The following PTPRD variants were observed in gnomAD, a reference collection of about 807,000 sequenced individuals.
PTPRD encodes protein tyrosine phosphatase receptor type D, also known as receptor-type tyrosine-protein phosphatase delta.
A neutral mutation model predicts 214.5 loss-of-function variants in PTPRD; 34 were observed. The ratio of observed to expected loss-of-function variants is 0.16; its 90% CI spans 0.12 to 0.21. PTPRD has a LOEUF of 0.21. PTPRD is among the 10% of genes least tolerant of loss of function. The pLI is 1.00. For synonymous variants in PTPRD, 1,128 were observed against 845.7 expected (o/e 1.33, Z -5.79); for missense variants, 2,545 against 2,398.7 (o/e 1.06, Z -1.27).
intron 11 of PTPRD, among the ~76,000 whole-genome samples, chr9:8,886,868 G>A (rs1298146170): frequency 6.6e-6 from 1 of 152,148 alleles, no homozygotes; most frequent in Non-Finnish European, 1.5e-5. Flanking sequence ...TTCATTCCTG[G>A]AAGATATACA....
At position 8,317,665 on chromosome 9, in the gene PTPRD, T is replaced by C. The variant is rs1249492857; in HGVS notation, c.*209A>G. On this transcript the variant is annotated 3_prime_UTR_variant, in exon 46 of 46. Coordinates refer to ENST00000381196, the MANE Select transcript of PTPRD (RefSeq NM_002839.4). ...AGATGCCTCATCAGTCAGGATTCTC[T>C]TCATTATTTTTCAGGTTAGATTATT... is the stretch of plus-strand genomic sequence containing the variant. The C allele has an allele frequency of 1.9e-5, 8 of 422,754 alleles. No homozygotes were observed. In the Admixed American group the frequency reaches 2.8e-4, roughly 15 times the overall value. The allele number at this position is 422,754 out of a possible 1,614,324, so 26.2% of individuals were successfully genotyped here. A position where few individuals can be genotyped will look rare whatever the true frequency, so the allele number is the denominator to read the frequency against.
chr9:10,564,360 A>G (rs569862959), intron 2 of PTPRD, among the ~76,000 whole-genome samples: 2 of 150,124 alleles, frequency 1.3e-5, no homozygotes, highest in Admixed American at 6.7e-5. Flanking sequence ...CCAGTGAACT[A>G]TATTTTCCCT....
intron 2 of PTPRD, among the ~76,000 whole-genome samples, chr9:10,539,222 T>C (rs1485797404): frequency 2.0e-5 from 3 of 152,224 alleles, no homozygotes; most frequent in Admixed American, 6.5e-5. Flanking sequence ...TCTCGCTCTG[T>C]TGCCCAGGTT....
chr9:8,836,932 A>G (rs1432991504), intron 11 of PTPRD, among the ~76,000 whole-genome samples: 1 of 151,854 alleles, frequency 6.6e-6, no homozygotes, highest in African/African-American at 2.4e-5. Context: ...TCCCATCTCA[A>G]GCTAACCCCC....
At chr9:9,948,990 TG>T (rs979168093) in intron 4 of PTPRD, among the ~76,000 whole-genome samples, 17 of 151,582 alleles carry the variant, frequency 1.1e-4, no homozygotes, top group South Asian at 6.3e-4. Context: ...AATGTCAGCA[TG>T]GGGGGGCCTA....
chr9:10,547,522 TAA>T (rs897309692), intron 2 of PTPRD, among the ~76,000 whole-genome samples: 4 of 151,940 alleles, frequency 2.6e-5, no homozygotes, highest in Non-Finnish European at 5.9e-5. Flanking sequence ...CCTGTGAGAT[TAA>T]AAAAATCTCA....
intron 9 of PTPRD, among the ~76,000 whole-genome samples, chr9:9,386,783 GT>G (rs1407352120): frequency 6.6e-6 from 1 of 152,098 alleles, no homozygotes; most frequent in African/African-American, 2.4e-5. Context: ...AAGGCAAGGA[GT>G]AGGTTATAGT....
At chr9:9,732,832 T>G (rs897954280) in intron 7 of PTPRD, among the ~76,000 whole-genome samples, 9 of 151,976 alleles carry the variant, frequency 5.9e-5, no homozygotes, top group African/African-American at 2.2e-4. Flanking sequence ...CTCTGTCGTC[T>G]CAGCGATTCT....
At chr9:9,735,696 G>C (rs909878868) in intron 6 of PTPRD, among the ~76,000 whole-genome samples, 1 of 152,064 alleles carries the variant, frequency 6.6e-6, no homozygotes, top group Non-Finnish European at 1.5e-5. Flanking sequence ...AATGGATCTT[G>C]TCATATTATT....
At chr9:10,107,524 C>T (rs1044692595) in intron 3 of PTPRD, among the ~76,000 whole-genome samples, 6 of 152,070 alleles carry the variant, frequency 3.9e-5, no homozygotes, top group African/African-American at 1.4e-4. Flanking sequence ...AAGTTTACTA[C>T]CTGTTCTTAA....
intron 5 of PTPRD, among the ~76,000 whole-genome samples, chr9:9,871,774 G>A (rs544842571): frequency 1.3e-5 from 2 of 152,130 alleles, no homozygotes; most frequent in Non-Finnish European, 2.9e-5. Context: ...CTCATGGGCA[G>A]AGGGTAAGCA....
At chr9:9,978,204 G>C (rs1347264585) in intron 4 of PTPRD, among the ~76,000 whole-genome samples, 1 of 152,062 alleles carries the variant, frequency 6.6e-6, no homozygotes, top group East Asian at 1.9e-4. Flanking sequence ...AAAGAGATAA[G>C]ATAATCAATA....
intron 11 of PTPRD, among the ~76,000 whole-genome samples, chr9:8,820,056 T>C (rs2097017991): frequency 6.6e-6 from 1 of 152,224 alleles, no homozygotes. Flanking sequence ...AATTTCATTC[T>C]CTGTTTGTAA....
chr9:8,633,197 A>G, intron 14 of PTPRD, 120 bp downstream of exon 14: 3 of 1,289,950 alleles, frequency 2.3e-6, no homozygotes, highest in Non-Finnish European at 3.2e-6. Context: ...AAGTCTTACA[A>G]ACATTTAACT....
intron 14 of PTPRD, among the ~76,000 whole-genome samples, chr9:8,598,975 G>A (rs1200936138): frequency 6.6e-6 from 1 of 152,156 alleles, no homozygotes; most frequent in Non-Finnish European, 1.5e-5. Context: ...GTTTGTCTGT[G>A]TCCCCATCCA....
At chr9:9,210,260 G>C (rs753484306) in intron 9 of PTPRD, among the ~76,000 whole-genome samples, 2 of 152,052 alleles carry the variant, frequency 1.3e-5, no homozygotes, top group Non-Finnish European at 2.9e-5. Flanking sequence ...TGTATTGGCT[G>C]TAACTCTTCA....
intron 2 of PTPRD, among the ~76,000 whole-genome samples, chr9:10,377,838 T>C (rs749404070): frequency 6.6e-5 from 10 of 152,078 alleles, no homozygotes; most frequent in Admixed American, 2.0e-4. Context: ...GTTTTCAATT[T>C]TGGCTACTGT....
At chr9:10,164,943 C>G (rs2099150274) in intron 3 of PTPRD, among the ~76,000 whole-genome samples, 1 of 149,508 alleles carries the variant, frequency 6.7e-6, no homozygotes, top group Non-Finnish European at 1.5e-5. Context: ...GAACTTAGAG[C>G]ACTAGACCTA....
chr9:10,018,111 T>G (rs1377545013), intron 4 of PTPRD, among the ~76,000 whole-genome samples: 5 of 151,662 alleles, frequency 3.3e-5, no homozygotes, highest in African/African-American at 1.2e-4. Context: ...TGAAATCCCC[T>G]CTCATACACA....
Sources: allele counts gnomAD v4.1 joint callset (sites outside exome capture counted in the v4.1 genomes callset), GRCh38; gene constraint gnomAD v4.1.1; transcripts MANE v1.5; gene names NCBI Gene and HGNC (gene_info 2026-07-23, HGNC 2026-07-21).